The following EXT1 variants were observed in gnomAD, a reference collection of about 807,000 sequenced individuals.
EXT1 encodes the protein exostosin-1.
EXT1 carries 20 observed loss-of-function variants against 82.5 expected under a neutral mutation model. That is an observed-to-expected ratio of 0.24 (90% CI 0.17 to 0.35). The LOEUF is 0.35. Among genes scored for constraint, EXT1 ranks in the 10% least tolerant of loss-of-function variants. The pLI, the probability that EXT1 is intolerant of heterozygous loss-of-function variation, is 1.00. For synonymous variants in EXT1, 348 were observed against 350.8 expected, an observed-to-expected ratio of 0.99 and a Z score of 0.09; for missense variants, 757 against 936.5, an observed-to-expected ratio of 0.81 and a Z score of 2.50.
At chr8:117,878,618 A>C (rs1813009264) in intron 1 of EXT1, among the ~76,000 whole-genome samples, 1 of 152,246 alleles carries the variant, frequency 6.6e-6, no homozygotes, top group African/African-American at 2.4e-5. Flanking sequence ...CAAAGGGCTG[A>C]AGTGAGGAGC....
intron 1 of EXT1, among the ~76,000 whole-genome samples, chr8:118,066,800 T>C (rs1221393779): frequency 2.0e-5 from 3 of 152,208 alleles, no homozygotes; most frequent in African/African-American, 7.2e-5. Flanking sequence ...TCAAAAATTA[T>C]ACATGGTTTT....
At chr8:117,815,895 A>G (rs1426080668) in intron 7 of EXT1, among the ~76,000 whole-genome samples, 1 of 148,058 alleles carries the variant, frequency 6.8e-6, no homozygotes, top group Non-Finnish European at 1.5e-5. Flanking sequence ...ATGCCATTGC[A>G]CTCCAGCCTG....
At chr8:117,813,649 G>A (rs1823371456) in intron 7 of EXT1, among the ~76,000 whole-genome samples, 1 of 152,144 alleles carries the variant, frequency 6.6e-6, no homozygotes, top group African/African-American at 2.4e-5. Context: ...AGCAGCTACA[G>A]CAATCAAAGG....
intron 1 of EXT1, among the ~76,000 whole-genome samples, chr8:117,949,935 A>T (rs1220588588): frequency 6.6e-6 from 1 of 152,174 alleles, no homozygotes; most frequent in Admixed American, 6.5e-5. Context: ...TAAAATTACT[A>T]ACAAGGAGGC....
intron 1 of EXT1, among the ~76,000 whole-genome samples, chr8:118,048,366 A>T (rs1816655622): frequency 6.6e-6 from 1 of 152,234 alleles, no homozygotes; most frequent in Non-Finnish European, 1.5e-5. Flanking sequence ...TTAGCCCTAT[A>T]AAAGATCAAT....
At chr8:117,951,039 T>A (rs908659295) in intron 1 of EXT1, among the ~76,000 whole-genome samples, 8 of 152,230 alleles carry the variant, frequency 5.3e-5, no homozygotes, top group Non-Finnish European at 1.0e-4. Context: ...AATAATAATA[T>A]GAATACACAT....
chr8:117,953,920 G>GA (rs1293556754), intron 1 of EXT1, among the ~76,000 whole-genome samples: 3 of 150,278 alleles, frequency 2.0e-5, no homozygotes, highest in Admixed American at 1.3e-4. Context: ...AACAACAACA[G>GA]AAAAAATAAA....
chr8:117,838,662 G>A (rs1272741411), intron 1 of EXT1, among the ~76,000 whole-genome samples: 1 of 152,076 alleles, frequency 6.6e-6, no homozygotes, highest in African/African-American at 2.4e-5. Context: ...TAAATTAGAT[G>A]GTAGTGATTT....
chr8:117,892,336 C>T (rs1386754259), intron 1 of EXT1, among the ~76,000 whole-genome samples: 1 of 152,240 alleles, frequency 6.6e-6, no homozygotes, highest in Non-Finnish European at 1.5e-5. Flanking sequence ...CACAAGGATA[C>T]ATATGACATG....
intron 1 of EXT1, among the ~76,000 whole-genome samples, chr8:117,962,786 A>C (rs1167396366): frequency 7.0e-6 from 1 of 143,566 alleles, no homozygotes; most frequent in Non-Finnish European, 1.5e-5. Flanking sequence ...AAAGAGAAAA[A>C]ATGGTGGCAC....
intron 1 of EXT1, among the ~76,000 whole-genome samples, chr8:117,876,817 G>A (rs901384328): frequency 1.1e-4 from 16 of 152,124 alleles, no homozygotes; most frequent in African/African-American, 2.2e-4. Flanking sequence ...AGATATTTAC[G>A]GAAGCGCGTA....
chr8:118,013,115 C>T (rs1815935712), intron 1 of EXT1, among the ~76,000 whole-genome samples: 1 of 151,898 alleles, frequency 6.6e-6, no homozygotes, highest in Non-Finnish European at 1.5e-5. Context: ...GCTCACTGCA[C>T]CTCAACATCC....
At chr8:118,098,053 G>T (rs1817651965) in intron 1 of EXT1, among the ~76,000 whole-genome samples, 1 of 152,028 alleles carries the variant, frequency 6.6e-6, no homozygotes, top group Admixed American at 6.5e-5. Flanking sequence ...CTGGGGCTGG[G>T]GATGAGAAGG....
intron 1 of EXT1, among the ~76,000 whole-genome samples, chr8:117,982,618 G>A (rs1034061439): frequency 2.6e-5 from 4 of 152,032 alleles, no homozygotes; most frequent in Non-Finnish European, 4.4e-5. Context: ...AGCCTCCCGA[G>A]TACCTGAGAT....
At chr8:118,036,555 G>C (rs1391348086) in intron 1 of EXT1, among the ~76,000 whole-genome samples, 1 of 152,154 alleles carries the variant, frequency 6.6e-6, no homozygotes, top group African/African-American at 2.4e-5. Context: ...AATTTCAATT[G>C]AGTTGAGCAG....
intron 1 of EXT1, among the ~76,000 whole-genome samples, chr8:118,032,131 C>T (rs1816335761): frequency 7.1e-6 from 1 of 140,132 alleles, no homozygotes; most frequent in Admixed American, 7.1e-5. Flanking sequence ...TACTCAATGG[C>T]CAAAACCGCG....
chr8:118,004,215 C>T, intron 1 of EXT1, among the ~76,000 whole-genome samples: 1 of 152,224 alleles, frequency 6.6e-6, no homozygotes, highest in East Asian at 1.9e-4. Context: ...ACTAGAATGT[C>T]AATTCCAAGA....
chr8:117,892,791 T>TA (rs1032773200), intron 1 of EXT1, among the ~76,000 whole-genome samples: 1 of 152,140 alleles, frequency 6.6e-6, no homozygotes, highest in Non-Finnish European at 1.5e-5. Context: ...GGATATATCT[T>TA]AGAGCTACAA....
chr8:118,077,071 G>GT (rs902454983), intron 1 of EXT1, among the ~76,000 whole-genome samples: 36 of 152,122 alleles, frequency 2.4e-4, no homozygotes, highest in African/African-American at 6.7e-4. Flanking sequence ...ACATTTCAGA[G>GT]TTTTTTTTCT....
Sources: gnomAD v4.1 joint callset for allele counts (sites outside exome capture counted in the v4.1 genomes callset) on GRCh38, gnomAD v4.1.1 for gene constraint, MANE v1.5 for transcripts, NCBI Gene and HGNC (gene_info 2026-07-23, HGNC 2026-07-21) for gene names.